Variants in EIF4E3 observed in about 807,000 individuals in gnomAD.
The protein encoded by EIF4E3 is eukaryotic translation initiation factor 4E type 3.
EIF4E3 carries 26 observed loss-of-function variants against 31.7 expected under a neutral mutation model. The ratio of observed to expected loss-of-function variants is 0.82; its 90% CI spans 0.60 to 1.14. The LOEUF (loss-of-function observed/expected upper bound fraction) is 1.14, where lower values mean the gene tolerates loss of function less well. Ranked by LOEUF, EIF4E3 falls within the 50% of genes most tolerant of loss-of-function variation. The pLI, the probability that EIF4E3 is intolerant of heterozygous loss-of-function variation, is 0.00. For missense variants in EIF4E3, 304 were observed against 270.9 expected (o/e 1.12, Z -0.86); for synonymous variants, 128 against 107.7 (o/e 1.19, Z -1.17).
intron 6 of EIF4E3, 122 bp from the exon 7 acceptor site, chr3:71,684,850 CTTAT>C (rs544357074): frequency 2.1e-4 from 183 of 881,364 alleles, no homozygotes; most frequent in East Asian, 4.6e-4. Context: ...ACTCAAACAC[CTTAT>C]TTATTTATTT....
chr3:71,670,933 A>C (rs1473435958), downstream of EIF4E3, among the ~76,000 whole-genome samples: 1 of 152,166 alleles, frequency 6.6e-6, no homozygotes, highest in Non-Finnish European at 1.5e-5. Context: ...TGTAAGGCTG[A>C]GGAAGCCAGT....
intron 1 of EIF4E3, among the ~76,000 whole-genome samples, chr3:71,736,811 G>A (rs2049768769): frequency 6.6e-6 from 1 of 152,208 alleles, no homozygotes; most frequent in African/African-American, 2.4e-5. Flanking sequence ...GACTTTGGTT[G>A]ATAATGATGT....
At position 71,725,036 on chromosome 3, in the gene EIF4E3, G is replaced by A. The variant is rs961610157; in HGVS notation, c.176+156C>T. On this transcript the variant is annotated intron_variant, in intron 1 of 6. Coordinates refer to ENST00000425534, the MANE Select transcript of EIF4E3 (RefSeq NM_001134651.2). The surrounding 1 kb of genome is among the most constrained non-coding windows in gnomAD (Gnocchi z 6.1). ...GCCCGAAGCTGGCTTCCGACCCGGCGGGGCGAGTCCCGGGGTGCGCAGGCG... is the reference window on the plus strand; with the variant it reads ...GCCCGAAGCTGGCTTCCGACCCGGCAGGGCGAGTCCCGGGGTGCGCAGGCG... Among the ~76,000 whole-genome samples the A allele has an allele frequency of 6.6e-6, 1 of 151,946 alleles. No individual in the cohort carries two copies. The highest frequency in any genetic ancestry group is 2.4e-5 in the African/African-American group (1 of 41,420).
rs2048878683 is a variant in EIF4E3, at chr3:71,676,893, A to T, written c.*7789T>A. The T allele has an allele frequency of 6.6e-6, 1 of 152,236 alleles. No homozygotes were observed. Among genetic ancestry groups the T allele is most frequent in the African/African-American group, 2.4e-5 (1 of 41,460 alleles). The allele number at this position is 152,236 out of a possible 1,614,324, so 9.4% of individuals were successfully genotyped here. A position where few individuals can be genotyped will look rare whatever the true frequency, so the allele number is the denominator to read the frequency against. ...CATTCTTTTCCAGTAAGCATGAATC[A>T]CAAAACTCAAATGTTTCCTAAGATC... On this transcript the variant is annotated 3_prime_UTR_variant, in exon 7 of 7. Transcript: ENST00000425534.
intron 1 of EIF4E3, among the ~76,000 whole-genome samples, chr3:71,748,364 C>A (rs752404132): frequency 6.6e-6 from 1 of 152,086 alleles, no homozygotes; most frequent in Non-Finnish European, 1.5e-5. Context: ...GGCCCTGGAA[C>A]GAATTCCCTG....
chr3:71,693,778 G>A, intron 5 of EIF4E3, 97 bp downstream of exon 5: 2 of 1,183,976 alleles, frequency 1.7e-6, no homozygotes, highest in Non-Finnish European at 2.3e-6. Flanking sequence ...TTCAAAACAT[G>A]TAAAAAGTCA....
At chr3:71,704,214 A>G (rs930714966) in intron 2 of EIF4E3, among the ~76,000 whole-genome samples, 1 of 152,244 alleles carries the variant, frequency 6.6e-6, no homozygotes. Context: ...TTCCCACCAC[A>G]TAGAAAGTTA....
chr3:71,747,219 C>T (rs2049883053), intron 1 of EIF4E3, among the ~76,000 whole-genome samples: 6 of 152,196 alleles, frequency 3.9e-5, no homozygotes, highest in Admixed American at 3.3e-4. Context: ...TTTTCCAAAC[C>T]AGCTGTATCA....
At chr3:71,743,696 G>A (rs1451845160) in intron 1 of EIF4E3, among the ~76,000 whole-genome samples, 2 of 152,068 alleles carry the variant, frequency 1.3e-5, no homozygotes, top group Non-Finnish European at 2.9e-5. Flanking sequence ...GAGAAATAAT[G>A]CTCCCTGATT....
chr3:71,693,806 T>C, intron 5 of EIF4E3, 69 bp downstream of exon 5: 1 of 1,356,048 alleles, frequency 7.4e-7, no homozygotes, highest in Non-Finnish European at 9.8e-7. Context: ...GATAACAAGC[T>C]GCTGCAAGAA....
Position 71,684,160 on chromosome 3 carries a change from G to C in EIF4E3, c.*522C>G, listed in dbSNP as rs1334171257. The C allele has an allele frequency of 6.6e-6, 1 of 152,540 alleles. No homozygotes were observed. The highest frequency in any genetic ancestry group is 2.1e-4 in the South Asian group (1 of 4,822). The allele number at this position is 152,540 out of a possible 1,614,324, so 9.4% of individuals were successfully genotyped here. A position where few individuals can be genotyped will look rare whatever the true frequency, so the allele number is the denominator to read the frequency against. On this transcript the variant is annotated 3_prime_UTR_variant, in exon 7 of 7. Transcript: ENST00000425534. The stretch of plus-strand genomic sequence containing the variant: ...TTTCCCTGGGACAGAAAAAAACAAT[G>C]CCCAGCTCACAGTACATAGGAATGT...
In EIF4E3 at chr3:71,679,953, C is replaced by T. The variant is rs1350062928; in HGVS notation, c.*4729G>A. The T allele has an allele frequency of 1.3e-5, 2 of 152,096 alleles. No homozygotes were observed. The highest frequency in any genetic ancestry group is 4.8e-5 in the African/African-American group (2 of 41,422). 9.4% of individuals were successfully genotyped at this position (152,096 alleles called of 1,614,324 possible). ...CATATGGAGTAACTACTTTTCTGAA[C>T]ACTAATTTCTTTTCTCTTAACAGAC... On this transcript the variant is annotated 3_prime_UTR_variant, in exon 7 of 7. Transcript: ENST00000425534.
intron 1 of EIF4E3, among the ~76,000 whole-genome samples, chr3:71,723,637 G>C (rs1329801905): frequency 6.6e-6 from 1 of 152,142 alleles, no homozygotes; most frequent in Non-Finnish European, 1.5e-5. Context: ...AAACTCTCTT[G>C]ATACTGTTTC....
rs186775863 is a variant in EIF4E3 at position 71,681,437 on chromosome 3, T to G, written c.*3245A>C. The stretch of plus-strand genomic sequence containing the variant: ...CCCACTTCCTGTCATAGGAAGGTTA[T>G]TTTCAAACTCCAAACCCCAGCACCA... On this transcript the variant is annotated 3_prime_UTR_variant, in exon 7 of 7. Coordinates refer to ENST00000425534, the MANE Select transcript of EIF4E3 (RefSeq NM_001134651.2). 2 of 152,344 alleles carry G rather than the reference T, an allele frequency of 1.3e-5. No individual in the cohort carries two copies. The highest frequency in any genetic ancestry group is 6.5e-5 in the Admixed American group (1 of 15,294). 9.4% of individuals were successfully genotyped at this position (152,344 alleles called of 1,614,324 possible).
At position 71,699,669 on chromosome 3, in the gene EIF4E3, T is replaced by C. The variant is rs754412529; in HGVS notation, c.289A>G (p.Ser97Gly). The C allele has an allele frequency of 1.9e-6, 3 of 1,613,674 alleles. No individual in the cohort carries two copies. The highest frequency in any genetic ancestry group is 1.1e-5 in the South Asian group (1 of 91,076). ...TGATAACTACATCTCAAAGGCAGGC[T>C]AGTCACAGGAGGGATATTATTGTAT... ...SVYNNIPPVT[S>G]LPLRCSYHLM... The change falls in exon 3 of 7, where the codon AGC becomes GGC. Residue 97 changes from serine to glycine, a missense_variant. By Grantham distance (56) the Ser-to-Gly change is moderately conservative (BLOSUM62 0). Coordinates refer to ENST00000425534, the MANE Select transcript of EIF4E3 (RefSeq NM_001134651.2).
At chr3:71,671,243 G>C (rs549260122), downstream of EIF4E3, among the ~76,000 whole-genome samples, 1 of 152,138 alleles carries the variant, frequency 6.6e-6, no homozygotes, top group Non-Finnish European at 1.5e-5. Flanking sequence ...CTCTGCTGGA[G>C]AGCAGAGAAC....
At chr3:71,753,289 T>C (rs1055763373) in intron 1 of EIF4E3, among the ~76,000 whole-genome samples, 2 of 152,120 alleles carry the variant, frequency 1.3e-5, no homozygotes, top group African/African-American at 2.4e-5. Flanking sequence ...TATCAGCGGT[T>C]TTAGGATTAC....
upstream of EIF4E3, chr3:71,725,505 C>A: frequency 5.1e-6 from 2 of 393,122 alleles, no homozygotes; most frequent in Non-Finnish European, 6.9e-6. This position sits in a 1 kb window ranked among gnomAD's most constrained non-coding sequence, Gnocchi z 6.1. Flanking sequence ...CCGCCGCCCG[C>A]CGCCCGCCGC....
At chr3:71,666,402 C>T in the EIF4E3 span, among the ~76,000 whole-genome samples, 1 of 152,036 alleles carries the variant, frequency 6.6e-6, no homozygotes, top group Non-Finnish European at 1.5e-5. Context: ...AGGAAGAAGT[C>T]GAATACCTGA....
Sources: allele counts gnomAD v4.1 joint callset (sites outside exome capture counted in the v4.1 genomes callset), GRCh38; gene constraint gnomAD v4.1.1; non-coding constraint Gnocchi (gnomAD v3.1); transcripts MANE v1.5; gene names NCBI Gene and HGNC (gene_info 2026-07-23, HGNC 2026-07-21).